Variants in SPATA13 observed in about 807,000 individuals in gnomAD.
SPATA13 encodes spermatogenesis-associated protein 13.
A neutral mutation model predicts 104.0 loss-of-function variants in SPATA13; 50 were observed. The observed-to-expected ratio is 0.48, with a 90% CI of 0.38 to 0.61. The LOEUF is 0.61. Among genes scored for constraint, SPATA13 ranks in the 20% least tolerant of loss-of-function variants. The probability of loss-of-function intolerance (pLI) is 0.00; values close to 1 mark genes in which losing one functional copy is unlikely to be tolerated. For synonymous variants in SPATA13, 606 were observed against 667.5 expected (o/e 0.91, Z 1.42); for missense variants, 1,524 against 1,690.6 (o/e 0.90, Z 1.73).
intron 1 of SPATA13, among the ~76,000 whole-genome samples, chr13:24,211,507 A>T (rs79180307): frequency 0.013 from 2,050 of 152,302 alleles, 24 homozygotes; most frequent in Middle Eastern, 0.037. Context: ...CTGTTGAGAT[A>T]GTCCTATGAT....
intron 3 of SPATA13, among the ~76,000 whole-genome samples, chr13:24,045,415 C>T (rs1023920826): frequency 2.0e-5 from 3 of 152,096 alleles, no homozygotes; most frequent in East Asian, 3.8e-4. Context: ...TTTGCATAAA[C>T]ATTTTTTTCT....
chr13:24,188,864 A>C (rs932898063), intron 1 of SPATA13, among the ~76,000 whole-genome samples: 8 of 152,164 alleles, frequency 5.3e-5, no homozygotes, highest in African/African-American at 1.9e-4. Flanking sequence ...GACTTAAAGC[A>C]TGTGCTCATT....
chr13:24,240,634 G>T (rs1285016963), intron 2 of SPATA13, among the ~76,000 whole-genome samples: 2 of 152,156 alleles, frequency 1.3e-5, no homozygotes, highest in Non-Finnish European at 1.5e-5. Flanking sequence ...GACTTCACTA[G>T]TGATTACATT....
chr13:24,260,908 T>A (rs1218449983), intron 4 of SPATA13, among the ~76,000 whole-genome samples: 2 of 152,226 alleles, frequency 1.3e-5, no homozygotes, highest in African/African-American at 4.8e-5. Context: ...ATGTATGCCT[T>A]AAGTTATGTT....
At chr13:23,987,562 C>T (rs1299998008) in intron 2 of SPATA13, among the ~76,000 whole-genome samples, 2 of 152,124 alleles carry the variant, frequency 1.3e-5, no homozygotes, top group African/African-American at 4.8e-5. Flanking sequence ...CTCCAAAAGA[C>T]CTGATTTTGC....
chr13:24,123,656 A>G (rs2137827163), intron 3 of SPATA13: 1 of 1,598,026 alleles, frequency 6.3e-7, no homozygotes, highest in South Asian at 1.1e-5. Flanking sequence ...CTTCAAACAC[A>G]TCAAACTTCA....
chr13:24,066,739 G>C (rs1416871110), intron 3 of SPATA13, among the ~76,000 whole-genome samples: 3 of 151,942 alleles, frequency 2.0e-5, no homozygotes, highest in African/African-American at 7.3e-5. Flanking sequence ...CTGCTGCTTG[G>C]CACACACCAT....
intron 1 of SPATA13, among the ~76,000 whole-genome samples, chr13:24,211,085 C>T (rs1292487056): frequency 6.6e-6 from 1 of 152,106 alleles, no homozygotes; most frequent in Non-Finnish European, 1.5e-5. Flanking sequence ...AAAATAAATT[C>T]AACTGATTTT....
At chr13:24,142,587 GT>G (rs1881797040) in intron 3 of SPATA13, among the ~76,000 whole-genome samples, 1 of 152,074 alleles carries the variant, frequency 6.6e-6, no homozygotes, top group South Asian at 2.1e-4. Context: ...TGACTTTTTT[GT>G]GTGTATATTG....
rs556280007 is a variant in SPATA13, at chr13:24,130,636, T to C, written c.-111-92183T>C. 3.9e-5 allele frequency among the ~76,000 whole-genome samples: 6 copies of C among 152,298 alleles called. No homozygotes were observed. The South Asian group carries it at 1.0e-3, about 26-fold the overall frequency. On this transcript the variant is annotated intron_variant, in intron 3 of 14. Transcript: ENST00000424834. ...GGGGTTAATAACTCCATGTCCATGT[T>C]CCCTAAGTGAAGTGAATAGTTCTTT...
intron 4 of SPATA13, among the ~76,000 whole-genome samples, chr13:24,272,000 A>G (rs1221595688): frequency 6.6e-6 from 1 of 152,238 alleles, no homozygotes; most frequent in African/African-American, 2.4e-5. Flanking sequence ...CGATTTCTAT[A>G]TTGAGAACAC....
At chr13:23,989,345 C>T (rs1875298024) in intron 2 of SPATA13, among the ~76,000 whole-genome samples, 1 of 151,730 alleles carries the variant, frequency 6.6e-6, no homozygotes, top group Non-Finnish European at 1.5e-5. Context: ...TTGCTTCAAC[C>T]TGGGAGGTAG....
intron 2 of SPATA13, among the ~76,000 whole-genome samples, chr13:23,987,872 A>G (rs1395885418): frequency 6.6e-6 from 1 of 151,780 alleles, no homozygotes; most frequent in Admixed American, 6.6e-5. Flanking sequence ...GCCCTTTAGT[A>G]TCTGGCTTAT....
chr13:24,061,374 C>G (rs1003059964), intron 3 of SPATA13, among the ~76,000 whole-genome samples: 2 of 152,084 alleles, frequency 1.3e-5, no homozygotes, highest in Non-Finnish European at 2.9e-5. Context: ...GGTTATATCC[C>G]CAGAGGAATA....
At chr13:24,057,085 TTTA>T (rs1428486270) in intron 3 of SPATA13, among the ~76,000 whole-genome samples, 1 of 151,218 alleles carries the variant, frequency 6.6e-6, no homozygotes, top group Non-Finnish European at 1.5e-5. Flanking sequence ...TTTAAAAAAT[TTTA>T]TTATTATTAC....
At chr13:24,271,284 G>C (rs533329287) in intron 4 of SPATA13, among the ~76,000 whole-genome samples, 8 of 152,024 alleles carry the variant, frequency 5.3e-5, no homozygotes, top group Admixed American at 2.0e-4. Context: ...ATTGTTACTA[G>C]TTTTGCTGCT....
intron 4 of SPATA13, among the ~76,000 whole-genome samples, chr13:24,256,162 T>C (rs901112310): frequency 6.6e-6 from 1 of 152,232 alleles, no homozygotes; most frequent in African/African-American, 2.4e-5. Context: ...GTATCAACTT[T>C]TAAATAATAA....
chr13:24,256,631 C>G (rs763333215), intron 4 of SPATA13, among the ~76,000 whole-genome samples: 47 of 152,042 alleles, frequency 3.1e-4, no homozygotes, highest in Non-Finnish European at 6.0e-4. Flanking sequence ...CTTCCGAGAA[C>G]TTGGCAGCGC....
chr13:24,109,787 C>A (rs1277971205), intron 3 of SPATA13, among the ~76,000 whole-genome samples: 1 of 152,000 alleles, frequency 6.6e-6, no homozygotes, highest in African/African-American at 2.4e-5. Flanking sequence ...GTTGTTTGTA[C>A]ATTTTACTCT....
Sources: allele counts gnomAD v4.1 joint callset (sites outside exome capture counted in the v4.1 genomes callset), GRCh38; gene constraint gnomAD v4.1.1; transcripts MANE v1.5; gene names NCBI Gene and HGNC (gene_info 2026-07-23, HGNC 2026-07-21).